PTPRZ1: variants seen among roughly 807,000 people sequenced by gnomAD.
PTPRZ1 encodes the protein receptor-type tyrosine-protein phosphatase zeta.
In PTPRZ1, 82 loss-of-function variants were observed where a neutral mutation model predicts 214.1. The observed-to-expected ratio is 0.38, with a 90% confidence interval of 0.32 to 0.46. The LOEUF (loss-of-function observed/expected upper bound fraction) is 0.46. Ranked by LOEUF, PTPRZ1 falls within the 20% of genes least tolerant of loss-of-function variation. The pLI, the probability that PTPRZ1 is intolerant of heterozygous loss-of-function variation, is 1.00. For synonymous variants in PTPRZ1, 945 were observed against 987.9 expected, an observed-to-expected ratio of 0.96 and a Z score of 0.81; for missense variants, 2,603 against 2,748.7, an observed-to-expected ratio of 0.95 and a Z score of 1.19.
intron 1 of PTPRZ1, among the ~76,000 whole-genome samples, chr7:121,900,014 C>G (rs888879475): frequency 5.9e-5 from 9 of 152,154 alleles, no homozygotes; most frequent in Non-Finnish European, 1.2e-4. Context: ...AATAGATACT[C>G]TCATGGCTGA....
chr7:121,926,013 A>T (rs1260249276), intron 1 of PTPRZ1, among the ~76,000 whole-genome samples: 5 of 152,176 alleles, frequency 3.3e-5, no homozygotes, highest in African/African-American at 1.2e-4. Context: ...GGAGTAGAGA[A>T]AGAATTACAA....
chr7:121,983,978 T>G lies in PTPRZ1; in HGVS notation c.789T>G (p.Phe263Leu), dbSNP rs1281121644. ...GATCTTTTTTTCAGTTGGCTGTTTT[T>G]TGTGAAGTTCTTACAATGCAACAAT... ...VSISESQLAV[F>L]CEVLTMQQSG... The change falls in exon 8 of 30, where the codon TTT becomes TTG. Residue 263 changes from phenylalanine to leucine, a missense_variant. Physicochemically the swap from Phe to Leu is conservative, Grantham distance 22. Transcript: ENST00000393386. 6.2e-7 allele frequency: 1 copy of G among 1,611,618 alleles called. No homozygotes were observed. Among genetic ancestry groups the G allele is most frequent in the Non-Finnish European group, 8.5e-7 (1 of 1,179,116 alleles).
In PTPRZ1 at chr7:121,992,030, C is replaced by T. The variant is rs150682056; in HGVS notation, c.929-4352C>T. 2.6e-4 allele frequency among the ~76,000 whole-genome samples: 39 copies of T among 152,282 alleles called. No homozygotes were observed. In the East Asian group the frequency reaches 5.6e-3, roughly 22 times the overall value. ...TGGTGGACTTATTAGCATGTATTTA[C>T]GAAGCACTTTTGGCATGAGCTGTGT... On this transcript the variant is annotated intron_variant, in intron 8 of 29. Transcript: ENST00000393386.
chr7:122,037,027 C>G (rs887401527), intron 18 of PTPRZ1, among the ~76,000 whole-genome samples: 1 of 152,038 alleles, frequency 6.6e-6, no homozygotes, highest in Admixed American at 6.5e-5. Context: ...AATCCCAGAA[C>G]TTTGGGAGGC....
chr7:121,990,206 G>A (rs1797906723), intron 8 of PTPRZ1, among the ~76,000 whole-genome samples: 1 of 152,030 alleles, frequency 6.6e-6, no homozygotes, highest in African/African-American at 2.4e-5. Flanking sequence ...CTCAATAAAT[G>A]CATTGTAGGA....
chr7:122,008,846 T>C (rs921483676), intron 11 of PTPRZ1, among the ~76,000 whole-genome samples: 2 of 152,164 alleles, frequency 1.3e-5, no homozygotes, highest in African/African-American at 4.8e-5. Flanking sequence ...TGAGAACTTC[T>C]AAGGAAAGAA....
chr7:121,960,958 G>A (rs1039225643), intron 2 of PTPRZ1, among the ~76,000 whole-genome samples: 5 of 149,582 alleles, frequency 3.3e-5, no homozygotes, highest in Non-Finnish European at 5.9e-5. Flanking sequence ...TTTTTTTGTC[G>A]TTCAGCAAAC....
chr7:122,049,706 T>TC (rs1442883202), intron 23 of PTPRZ1, among the ~76,000 whole-genome samples: 1 of 152,174 alleles, frequency 6.6e-6, no homozygotes, highest in East Asian at 1.9e-4. Context: ...ATATTGCTTC[T>TC]CCTTACATTG....
At chr7:122,059,990 A>C in intron 29 of PTPRZ1, 102 bp downstream of exon 29, 1 of 1,163,412 alleles carries the variant, frequency 8.6e-7, no homozygotes, top group Non-Finnish European at 1.2e-6. Flanking sequence ...TTATTAACTG[A>C]TAACATTAGT....
intron 20 of PTPRZ1, among the ~76,000 whole-genome samples, chr7:122,040,093 G>A (rs1278977099): frequency 6.6e-6 from 1 of 152,200 alleles, no homozygotes. Flanking sequence ...GACTGGTTTT[G>A]TTGCTGATGT....
intron 27 of PTPRZ1, among the ~76,000 whole-genome samples, chr7:122,056,114 C>A (rs916004991): frequency 1.3e-5 from 2 of 151,804 alleles, no homozygotes; most frequent in African/African-American, 2.4e-5. Context: ...TCTGATTACT[C>A]CCTGATCACT....
intron 1 of PTPRZ1, among the ~76,000 whole-genome samples, chr7:121,877,798 T>C (rs1226816144): frequency 6.6e-6 from 1 of 152,190 alleles, no homozygotes; most frequent in Non-Finnish European, 1.5e-5. Flanking sequence ...AAATATCTCT[T>C]AATGTGTTGA....
At chr7:121,985,348 GA>G (rs1470957023) in intron 8 of PTPRZ1, among the ~76,000 whole-genome samples, 2 of 152,090 alleles carry the variant, frequency 1.3e-5, no homozygotes, top group African/African-American at 4.8e-5. Flanking sequence ...AAATAAATAT[GA>G]TTTTTTTGTC....
At chr7:121,938,095 T>TA (rs1257767900) in intron 2 of PTPRZ1, among the ~76,000 whole-genome samples, 1 of 152,176 alleles carries the variant, frequency 6.6e-6, no homozygotes, top group African/African-American at 2.4e-5. Flanking sequence ...CTTCCAGAGA[T>TA]AACTACTCTT....
chr7:121,971,732 GTTATTA>G (rs1584696974), intron 3 of PTPRZ1, among the ~76,000 whole-genome samples: 1 of 152,110 alleles, frequency 6.6e-6, no homozygotes. Flanking sequence ...TATTGTGCTT[GTTATTA>G]TTATTATTAG....
chr7:122,037,048 G>A (rs1015911300), intron 18 of PTPRZ1, among the ~76,000 whole-genome samples: 1 of 152,004 alleles, frequency 6.6e-6, no homozygotes, highest in Non-Finnish European at 1.5e-5. Context: ...TGAGGCAGGC[G>A]GATCACGAGG....
chr7:122,059,036 C>G (rs1367698915), intron 28 of PTPRZ1, 94 bp downstream of exon 28: 2 of 1,209,726 alleles, frequency 1.7e-6, no homozygotes, highest in Non-Finnish European at 2.2e-6. Flanking sequence ...GCTTTGGACC[C>G]ACTGTGATGA....
intron 1 of PTPRZ1, among the ~76,000 whole-genome samples, chr7:121,893,694 A>G (rs1009241550): frequency 6.6e-6 from 1 of 152,192 alleles, no homozygotes; most frequent in Non-Finnish European, 1.5e-5. Flanking sequence ...ATCACTGTCA[A>G]ACTAGTATTT....
At chr7:121,946,729 CA>C (rs1470508874) in intron 2 of PTPRZ1, among the ~76,000 whole-genome samples, 1 of 152,122 alleles carries the variant, frequency 6.6e-6, no homozygotes. Context: ...ATACTTTAAT[CA>C]AGTGATCAAA....
Sources: gnomAD v4.1 joint callset for allele counts (sites outside exome capture counted in the v4.1 genomes callset) on GRCh38, gnomAD v4.1.1 for gene constraint, MANE v1.5 for transcripts, NCBI Gene and HGNC (gene_info 2026-07-23, HGNC 2026-07-21) for gene names.